The following SORCS2 variants were observed in gnomAD, a reference collection of about 807,000 sequenced individuals.
SORCS2 encodes the protein VPS10 domain-containing receptor SorCS2.
Under a neutral mutation model 141.6 loss-of-function variants are expected in SORCS2, and 100 were observed. The observed-to-expected ratio is 0.71, with a 90% CI of 0.60 to 0.83. The LOEUF (loss-of-function observed/expected upper bound fraction) is 0.83, where lower values mean the gene tolerates loss of function less well. SORCS2 is among the 40% of genes least tolerant of loss of function. The pLI is 0.00. For synonymous variants in SORCS2, 789 were observed against 676.9 expected, an observed-to-expected ratio of 1.17 and a Z score of -2.57; for missense variants, 1,646 against 1,560.2, an observed-to-expected ratio of 1.05 and a Z score of -0.93.
intron 2 of SORCS2, among the ~76,000 whole-genome samples, chr4:7,451,894 G>C (rs976513952): frequency 6.6e-6 from 1 of 152,190 alleles, no homozygotes; most frequent in Non-Finnish European, 1.5e-5. Context: ...CACCTGGCAG[G>C]CAGCACCTTC....
chr4:7,615,002 T>G (rs1718664779), intron 3 of SORCS2, among the ~76,000 whole-genome samples: 1 of 152,034 alleles, frequency 6.6e-6, no homozygotes, highest in Admixed American at 6.5e-5. Context: ...TCCACCCATC[T>G]GTTCATCTGC....
intron 2 of SORCS2, among the ~76,000 whole-genome samples, chr4:7,483,402 C>T (rs192294648): frequency 6.6e-6 from 1 of 151,926 alleles, no homozygotes; most frequent in Non-Finnish European, 1.5e-5. Context: ...AGGCAGCTGC[C>T]AGCCAAAGAA....
At chr4:7,241,131 G>T (rs561736207) in intron 1 of SORCS2, among the ~76,000 whole-genome samples, 23 of 152,202 alleles carry the variant, frequency 1.5e-4, no homozygotes, top group African/African-American at 5.3e-4. Context: ...TAGAGACAGG[G>T]TTTCACCATG....
intron 5 of SORCS2, among the ~76,000 whole-genome samples, chr4:7,660,529 A>G (rs1282950183): frequency 2.0e-5 from 3 of 152,188 alleles, no homozygotes; most frequent in Non-Finnish European, 4.4e-5. Flanking sequence ...CCCATAACAG[A>G]TGGGACATCT....
chr4:7,257,378 G>A (rs980179578), intron 1 of SORCS2, among the ~76,000 whole-genome samples: 3 of 151,714 alleles, frequency 2.0e-5, no homozygotes, highest in Non-Finnish European at 4.4e-5. Flanking sequence ...TGGGGGTGGT[G>A]GGGGTGGGGA....
intron 1 of SORCS2, among the ~76,000 whole-genome samples, chr4:7,289,980 C>T (rs2108875539): frequency 6.6e-6 from 1 of 152,300 alleles, no homozygotes; most frequent in East Asian, 1.9e-4. Context: ...AAAAGCCATC[C>T]TCTGAGTTGG....
intron 1 of SORCS2, among the ~76,000 whole-genome samples, chr4:7,322,869 C>A (rs73208473): frequency 0.21 from 31,375 of 152,178 alleles, 3,714 homozygotes; most frequent in Non-Finnish European, 0.28. Flanking sequence ...TGACCAGCTG[C>A]GGCTCCTCAG....
At chr4:7,317,403 G>T (rs1718629726) in intron 1 of SORCS2, among the ~76,000 whole-genome samples, 2 of 152,246 alleles carry the variant, frequency 1.3e-5, no homozygotes, top group South Asian at 4.1e-4. Context: ...CCTCAGTGCA[G>T]ACATGGGTCT....
intron 1 of SORCS2, among the ~76,000 whole-genome samples, chr4:7,355,874 C>T (rs542849368): frequency 4.1e-4 from 63 of 152,352 alleles, no homozygotes; most frequent in African/African-American, 1.5e-3. Flanking sequence ...GGCCATGGGG[C>T]TTCCTGGGTG....
chr4:7,237,268 A>C (rs1712350469), intron 1 of SORCS2, among the ~76,000 whole-genome samples: 1 of 152,230 alleles, frequency 6.6e-6, no homozygotes, highest in Non-Finnish European at 1.5e-5. Context: ...AAAACCTCCT[A>C]AGCCAAAGGG....
chr4:7,543,096 G>A (rs561589209), intron 3 of SORCS2, among the ~76,000 whole-genome samples: 8 of 152,348 alleles, frequency 5.3e-5, no homozygotes, highest in South Asian at 2.1e-4. Flanking sequence ...GTTTTGGGGG[G>A]CCTTGGAAAC....
intron 3 of SORCS2, among the ~76,000 whole-genome samples, chr4:7,537,525 A>G (rs186486839): frequency 6.6e-6 from 1 of 152,300 alleles, no homozygotes; most frequent in Non-Finnish European, 1.5e-5. Context: ...CTAGAGAGAG[A>G]GAGCCCTTTG....
chr4:7,551,839 G>A (rs1206175409), intron 3 of SORCS2, among the ~76,000 whole-genome samples: 1 of 152,196 alleles, frequency 6.6e-6, no homozygotes, highest in Non-Finnish European at 1.5e-5. Flanking sequence ...TTTGTGAAAG[G>A]AGACTTTGAC....
intron 3 of SORCS2, among the ~76,000 whole-genome samples, chr4:7,578,891 T>G (rs1381357225): frequency 6.6e-6 from 1 of 152,230 alleles, no homozygotes; most frequent in Non-Finnish European, 1.5e-5. Context: ...GAAGCCCACC[T>G]TATCCCTAAG....
intron 3 of SORCS2, among the ~76,000 whole-genome samples, chr4:7,584,705 G>GC (rs1402492262): frequency 6.6e-6 from 1 of 152,204 alleles, no homozygotes; most frequent in Non-Finnish European, 1.5e-5. Context: ...GCGGGGCTCA[G>GC]CTGGGGGGAG....
At chr4:7,612,885 G>A (rs924402305) in intron 3 of SORCS2, among the ~76,000 whole-genome samples, 2 of 76,654 alleles carry the variant, frequency 2.6e-5, no homozygotes, top group Non-Finnish European at 6.5e-5. Flanking sequence ...ACAGGTAGTG[G>A]GAGGAGATGG....
At chr4:7,681,690 G>A (rs7697323) in intron 9 of SORCS2, among the ~76,000 whole-genome samples, 59,599 of 152,080 alleles carry the variant, frequency 0.39, 12,066 homozygotes, top group African/African-American at 0.46. Flanking sequence ...CATCATCATG[G>A]CTGCTGTTGT....
At position 7,329,418 on chromosome 4, in the gene SORCS2, C is replaced by T. The variant is rs187492114; in HGVS notation, c.481-66870C>T. Among the ~76,000 whole-genome samples, 240 of 152,312 alleles carry T rather than the reference C, an allele frequency of 1.6e-3. 1 individual carries two copies. Among genetic ancestry groups the T allele is most frequent in the African/African-American group, 5.4e-3 (225 of 41,564 alleles). On this transcript the variant is annotated intron_variant, in intron 1 of 26. Transcript: ENST00000507866. ...CTCCCGGGCCAGCCACCCTGAGCCA[C>T]GGTGGCAATGGTTAGTGTCTGCGCT...
intron 1 of SORCS2, among the ~76,000 whole-genome samples, chr4:7,205,844 G>C (rs1727702096): frequency 6.6e-6 from 1 of 152,176 alleles, no homozygotes. Flanking sequence ...GGAAGTTTGA[G>C]ACCAGTCTGG....
Sources: gnomAD v4.1 joint callset for allele counts (sites outside exome capture counted in the v4.1 genomes callset) on GRCh38, gnomAD v4.1.1 for gene constraint, MANE v1.5 for transcripts, NCBI Gene and HGNC (gene_info 2026-07-23, HGNC 2026-07-21) for gene names.